The following WASHC2C variants were observed in gnomAD, a reference collection of about 807,000 sequenced individuals.
WASHC2C encodes WASH complex subunit 2C.
Under a neutral mutation model 142.2 loss-of-function variants are expected in WASHC2C, and 73 were observed. That is an observed-to-expected ratio of 0.51 (90% CI 0.43 to 0.62). The LOEUF is 0.62. Among genes scored for constraint, WASHC2C ranks in the 20% least tolerant of loss-of-function variants. The pLI is 0.00. For missense variants in WASHC2C, 969 were observed against 1,531.7 expected (o/e 0.63, Z 6.13); for synonymous variants, 337 against 565.5 (o/e 0.60, Z 5.73).
intron 25 of WASHC2C, 63 bp downstream of exon 25, chr10:45,784,964 G>T: frequency 6.2e-7 from 1 of 1,610,832 alleles, no homozygotes; most frequent in East Asian, 2.2e-5. Context: ...GGAAACTAAC[G>T]TCCAGTTAGA....
intron 15 of WASHC2C, among the ~76,000 whole-genome samples, chr10:45,755,927 ACTCT>A: frequency 6.6e-6 from 1 of 152,304 alleles, no homozygotes; most frequent in East Asian, 1.9e-4. Flanking sequence ...GTCTGGACTC[ACTCT>A]CTTCCAGTGT....
At chr10:45,744,322 A>C (rs1378987073) in intron 6 of WASHC2C, among the ~76,000 whole-genome samples, 1 of 147,764 alleles carries the variant, frequency 6.8e-6, no homozygotes, top group Admixed American at 6.8e-5. Flanking sequence ...TTTTCTAAGA[A>C]CAAGGACATC....
At chr10:45,768,209 A>G (rs2056151193) in intron 19 of WASHC2C, among the ~76,000 whole-genome samples, 1 of 151,256 alleles carries the variant, frequency 6.6e-6, no homozygotes. Context: ...CCCGGGCCAC[A>G]GAGCAAGACT....
intron 23 of WASHC2C, among the ~76,000 whole-genome samples, chr10:45,780,725 A>G (rs2057428465): frequency 6.6e-6 from 1 of 151,898 alleles, no homozygotes; most frequent in Non-Finnish European, 1.5e-5. Context: ...AACATTTACT[A>G]ACTTACAAAA....
chr10:45,786,618 T>C lies in WASHC2C; in HGVS notation c.2818T>C (p.Ser940Pro), dbSNP rs782766733. ...TGGATGTAATCTTACACAGGACTCA[T>C]CAGGTCTCGCTCCATTTAAAACCAA... is the stretch of plus-strand genomic sequence containing the variant. ...IWKPETPQDS[S>P]GLAPFKTKEP... Residue 940 changes from serine (S) to proline (P), a missense_variant, in exon 27 of 31, where the codon TCA becomes CCA. Physicochemically the swap from Ser to Pro is moderately conservative, Grantham distance 74. Coordinates refer to ENST00000623400, the MANE Select transcript of WASHC2C (RefSeq NM_001330074.2). The C allele has an allele frequency of 1.4e-5, 23 of 1,611,586 alleles. No individual in the cohort carries two copies. Among genetic ancestry groups the C allele is most frequent in the Non-Finnish European group, 1.8e-5 (21 of 1,179,520 alleles).
In WASHC2C at chr10:45,749,851, A is replaced by ATATATATATATATATATT. The variant is rs797033033; in HGVS notation, c.733-240_733-239insATATATATATATTTATAT. Among the ~76,000 whole-genome samples, 147 of 108,092 alleles carry ATATATATATATATATATT rather than the reference A, an allele frequency of 1.4e-3. 3 individuals carry two copies. Among genetic ancestry groups the ATATATATATATATATATT allele is most frequent in the South Asian group, 6.6e-3 (23 of 3,462 alleles). 70.9% of individuals were successfully genotyped at this position (108,092 alleles called of 152,430 possible). A position where few individuals can be genotyped will look rare whatever the true frequency, so the allele number is the denominator to read the frequency against. ...AAAAAAAAAAAATATATATATATAT[A>ATATATATATATATATATT]TATATTTATATATATATATATTTAT... On this transcript the variant is annotated intron_variant, in intron 8 of 30. Transcript: ENST00000623400.
chr10:45,756,893 TC>T, intron 15 of WASHC2C, 118 bp from the exon 16 acceptor site: 1 of 803,956 alleles, frequency 1.2e-6, no homozygotes, highest in African/African-American at 1.7e-5. Flanking sequence ...TTATAACTAA[TC>T]AAGAAACAAC....
At chr10:45,768,560 A>T (rs1467149650) in intron 19 of WASHC2C, among the ~76,000 whole-genome samples, 1 of 152,180 alleles carries the variant, frequency 6.6e-6, no homozygotes, top group African/African-American at 2.4e-5. Context: ...GAGATAGAGC[A>T]CTTATGCAAG....
At chr10:45,772,464 CCTAA>C (rs781928493) in intron 20 of WASHC2C, among the ~76,000 whole-genome samples, 18 of 152,220 alleles carry the variant, frequency 1.2e-4, no homozygotes, top group Non-Finnish European at 1.9e-4. Context: ...TGCCTGTAAT[CCTAA>C]CTGATTGGGA....
intron 8 of WASHC2C, among the ~76,000 whole-genome samples, chr10:45,747,060 C>T (rs1212213921): frequency 3.3e-5 from 5 of 152,190 alleles, no homozygotes; most frequent in African/African-American, 1.2e-4. Flanking sequence ...TTTTGAATAT[C>T]TAAAGGCGTA....
chr10:45,788,244 A>G (rs1252976994), intron 28 of WASHC2C, among the ~76,000 whole-genome samples: 7 of 152,236 alleles, frequency 4.6e-5, no homozygotes, highest in East Asian at 3.8e-4. Flanking sequence ...GGAAACTATC[A>G]TAAACTGCAT....
At chr10:45,761,420 A>G (rs1194226998) in intron 17 of WASHC2C, among the ~76,000 whole-genome samples, 85 of 149,528 alleles carry the variant, frequency 5.7e-4, no homozygotes, top group South Asian at 4.0e-3. Context: ...TTATGGGGAG[A>G]GGCCATAGGC....
intron 16 of WASHC2C, among the ~76,000 whole-genome samples, chr10:45,758,684 T>C (rs2054646984): frequency 6.6e-6 from 1 of 151,136 alleles, no homozygotes; most frequent in Admixed American, 6.6e-5. Flanking sequence ...CACAGCTCAC[T>C]GCAGCCTCAA....
chr10:45,789,952 G>T (rs1184547910), intron 29 of WASHC2C, among the ~76,000 whole-genome samples: 9 of 152,194 alleles, frequency 5.9e-5, no homozygotes, highest in Non-Finnish European at 4.4e-5. Flanking sequence ...AGCACCTGGG[G>T]ACTGCAGGCA....
chr10:45,769,692 A>G (rs1461948201), intron 20 of WASHC2C, 74 bp downstream of exon 20: 15 of 1,602,410 alleles, frequency 9.4e-6, no homozygotes, highest in Middle Eastern at 2.3e-4. Context: ...TGCACAATCT[A>G]GTTCATCGGG....
chr10:45,727,480 T>C lies in WASHC2C; in HGVS notation c.67T>C (p.Trp23Arg), dbSNP rs2049994110. The part of the protein sequence containing the change: ...PASEPVWERP[W>R]SVEEIRRSSQ... ...GTCGGAGCCCGTGTGGGAGCGGCCG[T>C]GGTCGGTGGAGGAGATCCGCAGGAG... Residue 23 changes from tryptophan to arginine, a missense_variant, in exon 2 of 31, where the codon TGG (tryptophan) becomes CGG (arginine). By Grantham distance (101) the Trp-to-Arg change is moderately radical. Transcript: ENST00000623400. The C allele has an allele frequency of 6.2e-7, 1 of 1,608,380 alleles. No individual in the cohort carries two copies. The highest frequency in any genetic ancestry group is 1.7e-5 in the Admixed American group (1 of 59,542).
At chr10:45,748,307 T>A (rs1349617421) in intron 8 of WASHC2C, among the ~76,000 whole-genome samples, 2 of 140,366 alleles carry the variant, frequency 1.4e-5, no homozygotes, top group African/African-American at 5.3e-5. Flanking sequence ...TTTTTTTTTT[T>A]GAGACAGAGT....
chr10:45,784,266 A>G (rs1158775344), intron 23 of WASHC2C, among the ~76,000 whole-genome samples: 2 of 5,204 alleles, frequency 3.8e-4, no homozygotes, highest in African/African-American at 7.3e-4. Flanking sequence ...ATATATATAT[A>G]TATATATATA....
intron 23 of WASHC2C, among the ~76,000 whole-genome samples, chr10:45,779,791 C>T (rs1209806491): frequency 6.6e-6 from 1 of 152,168 alleles, no homozygotes; most frequent in African/African-American, 2.4e-5. Flanking sequence ...TCGAGACCAT[C>T]CTGGCCAACA....
Sources: gnomAD v4.1 joint callset for allele counts (sites outside exome capture counted in the v4.1 genomes callset) on GRCh38, gnomAD v4.1.1 for gene constraint, MANE v1.5 for transcripts, NCBI Gene and HGNC (gene_info 2026-07-23, HGNC 2026-07-21) for gene names.